The following PAPOLA variants were observed in gnomAD, a reference collection of about 807,000 sequenced individuals.
PAPOLA encodes the protein polynucleotide adenylyltransferase alpha.
A neutral mutation model predicts 100.6 loss-of-function variants in PAPOLA; 15 were observed. That is an observed-to-expected ratio of 0.15 (90% CI 0.10 to 0.23). The LOEUF (loss-of-function observed/expected upper bound fraction) is 0.23, where lower values mean the gene tolerates loss of function less well. PAPOLA is among the 10% of genes least tolerant of loss of function. PAPOLA has a pLI of 1.00. For missense variants in PAPOLA, 533 were observed against 884.2 expected (o/e 0.60, Z 5.04); for synonymous variants, 293 against 300.0 (o/e 0.98, Z 0.24).
chr14:96,515,144 T>C (rs532945202), intron 1 of PAPOLA, among the ~76,000 whole-genome samples: 46 of 152,346 alleles, frequency 3.0e-4, no homozygotes, highest in African/African-American at 4.8e-4. Flanking sequence ...CGAATTGTTA[T>C]ATAGAATGTT....
At chr14:96,532,295 T>C (rs1490134820) in intron 7 of PAPOLA, 36 bp from the exon 8 acceptor site, 1 of 1,584,068 alleles carries the variant, frequency 6.3e-7, no homozygotes, top group Admixed American at 1.9e-5. Context: ...TGTGTGTGTG[T>C]GTGTGTGTGT....
At chr14:96,546,601 G>T (rs1007047946) in intron 15 of PAPOLA, among the ~76,000 whole-genome samples, 2 of 152,036 alleles carry the variant, frequency 1.3e-5, no homozygotes, top group African/African-American at 4.8e-5. Flanking sequence ...AATATACCCA[G>T]TGAGGCCTGG....
chr14:96,549,110 A>C (rs1301466481), intron 16 of PAPOLA, among the ~76,000 whole-genome samples: 1 of 152,202 alleles, frequency 6.6e-6, no homozygotes, highest in Non-Finnish European at 1.5e-5. Flanking sequence ...ATGGTGGTTT[A>C]GACTAGCTCC....
rs746026515 is a variant in PAPOLA at position 96,560,614 on chromosome 14, A to G, written c.2005-35A>G. 19 of 1,455,108 alleles carry G rather than the reference A, an allele frequency of 1.3e-5. No individual in the cohort carries two copies. The African/African-American group carries it at 1.4e-4, about 11-fold the overall frequency. 90.1% of individuals were successfully genotyped at this position (1,455,108 alleles called of 1,614,324 possible). ...GATTGGCAAATAATCTAAATTTTTCATTTTAGAGAATAAAGCTTTTTTTTT... is the reference window on the plus strand; with the variant it reads ...GATTGGCAAATAATCTAAATTTTTCGTTTTAGAGAATAAAGCTTTTTTTTT... On this transcript the variant is annotated intron_variant, in intron 19 of 21. Transcript: ENST00000216277.
intron 12 of PAPOLA, chr14:96,541,992 A>T (rs1281106155): frequency 7.2e-6 from 2 of 276,656 alleles, no homozygotes. Flanking sequence ...ATGCTTATTT[A>T]TGCTTCTTGA....
intron 6 of PAPOLA, among the ~76,000 whole-genome samples, chr14:96,529,009 A>C (rs991211925): frequency 6.6e-6 from 1 of 152,122 alleles, no homozygotes; most frequent in Non-Finnish European, 1.5e-5. Flanking sequence ...TTTTTTTTGG[A>C]AGGAGACCTG....
intron 19 of PAPOLA, 153 bp from the exon 20 acceptor site, chr14:96,560,496 T>G: frequency 3.4e-6 from 2 of 588,362 alleles, no homozygotes; most frequent in Non-Finnish European, 6.0e-6. Flanking sequence ...ATAAAAACAT[T>G]TTAAAAGAGG....
chr14:96,552,544 G>C lies in PAPOLA; in HGVS notation c.1586G>C (p.Ser529Thr). Residue 529 changes from serine to threonine, a missense_variant, in exon 17 of 22, where the codon AGT becomes ACT. Around this residue, in one of 9 missense-constraint regions of PAPOLA, gnomAD observed 242 missense variants for 281.0 expected, o/e 0.86. Coordinates refer to ENST00000216277, the MANE Select transcript of PAPOLA (RefSeq NM_032632.5). ...NDSSLDLSMD[S>T]DNSMSVPSPT... ...AGCAGCCTCGACTTGTCTATGGACAGTGATAACAGCATGTCTGTGCCTTCA... is the reference window on the plus strand; with the variant it reads ...AGCAGCCTCGACTTGTCTATGGACACTGATAACAGCATGTCTGTGCCTTCA... 1 of 1,613,870 alleles carries C rather than the reference G, an allele frequency of 6.2e-7. No homozygotes were observed. The highest frequency in any genetic ancestry group is 8.5e-7 in the Non-Finnish European group (1 of 1,179,708).
chr14:96,515,384 A>G (rs1897383132), intron 1 of PAPOLA, among the ~76,000 whole-genome samples: 1 of 152,138 alleles, frequency 6.6e-6, no homozygotes, highest in African/African-American at 2.4e-5. Context: ...TATTAGATGT[A>G]GGTATGTATT....
chr14:96,510,576 T>C (rs950935717), intron 1 of PAPOLA, among the ~76,000 whole-genome samples: 1 of 152,262 alleles, frequency 6.6e-6, no homozygotes, highest in Non-Finnish European at 1.5e-5. Context: ...GCAAGTACCC[T>C]TTCTCTGCAT....
At chr14:96,543,997 G>A in intron 14 of PAPOLA, 152 bp from the exon 15 acceptor site, 1 of 604,910 alleles carries the variant, frequency 1.7e-6, no homozygotes, top group Admixed American at 3.0e-5. Context: ...GTGTGGGTGA[G>A]GACTTTGCGT....
chr14:96,556,812 A>G (rs917344635), intron 19 of PAPOLA, among the ~76,000 whole-genome samples: 1 of 152,150 alleles, frequency 6.6e-6, no homozygotes, highest in Non-Finnish European at 1.5e-5. Flanking sequence ...GAGTTTCTCT[A>G]CTGTACTTGG....
rs1899136543 is a variant in PAPOLA, at chr14:96,532,618, G to A, written c.805G>A (p.Val269Ile). ...LYPNAIASTL[V>I]HKFFLVFSKW... is the part of the protein sequence containing the mutation. ...TCCAAATGCAATAGCATCAACTCTT[G>A]TACATAAATTTTTCTTGGTATTTTC... Residue 269 changes from valine to isoleucine, a missense_variant, in exon 9 of 22, where the codon GTA (valine) becomes ATA (isoleucine). Physicochemically the swap from Val to Ile is conservative, Grantham distance 29. Coordinates refer to ENST00000216277, the MANE Select transcript of PAPOLA (RefSeq NM_032632.5). 6.2e-7 allele frequency: 1 copy of A among 1,609,178 alleles called. No individual in the cohort carries two copies. Among genetic ancestry groups the A allele is most frequent in the South Asian group, 1.1e-5 (1 of 90,130 alleles).
intron 1 of PAPOLA, 172 bp downstream of exon 1, chr14:96,502,772 T>TC: frequency 1.6e-6 from 1 of 618,344 alleles, no homozygotes. Flanking sequence ...CCGCCGCACT[T>TC]CCCCCCGTGT....
chr14:96,536,444 C>T (rs541215740), intron 11 of PAPOLA, among the ~76,000 whole-genome samples: 1 of 152,158 alleles, frequency 6.6e-6, no homozygotes, highest in Admixed American at 6.5e-5. Flanking sequence ...GGTATAGCTA[C>T]TACCAAATAG....
At chr14:96,550,181 C>CA (rs1399382017) in intron 16 of PAPOLA, among the ~76,000 whole-genome samples, 1 of 152,140 alleles carries the variant, frequency 6.6e-6, no homozygotes, top group African/African-American at 2.4e-5. Flanking sequence ...AAAAAGTATA[C>CA]AAACGTTTTA....
At position 96,534,513 on chromosome 14, in the gene PAPOLA, T is replaced by C; in HGVS notation, c.859T>C (p.Leu287=). The C allele has an allele frequency of 6.2e-7, 1 of 1,613,918 alleles. No individual in the cohort carries two copies. Among genetic ancestry groups the C allele is most frequent in the Non-Finnish European group, 8.5e-7 (1 of 1,179,906 alleles). The change falls in exon 10 of 22, where the codon TTG becomes CTG. Residue 287 remains leucine, a synonymous_variant. Transcript: ENST00000216277. ...SKWEWPNPVL[L]KQPEECNLNL... ...CAGGGAATGGCCAAATCCAGTGCTA[T>C]TGAAACAGCCTGAAGAATGCAATCT...
chr14:96,516,679 TTTA>T (rs1897494068), intron 1 of PAPOLA, among the ~76,000 whole-genome samples: 1 of 152,202 alleles, frequency 6.6e-6, no homozygotes, highest in South Asian at 2.1e-4. Context: ...CACATGTGGT[TTTA>T]TCTTGACAGA....
intron 19 of PAPOLA, among the ~76,000 whole-genome samples, chr14:96,558,804 C>G: frequency 6.6e-6 from 1 of 151,846 alleles, no homozygotes; most frequent in African/African-American, 2.4e-5. Flanking sequence ...GTAAAATTAG[C>G]CTACTCACAA....
Sources: allele counts gnomAD v4.1 joint callset (sites outside exome capture counted in the v4.1 genomes callset), GRCh38; gene constraint gnomAD v4.1.1; regional missense constraint gnomAD v4.1.1; transcripts MANE v1.5; gene names NCBI Gene and HGNC (gene_info 2026-07-23, HGNC 2026-07-21).